The following PSTPIP2 variants were observed in gnomAD, a reference collection of about 807,000 sequenced individuals.
PSTPIP2 encodes the protein proline-serine-threonine phosphatase interacting protein 2, also known as proline-serine-threonine phosphatase-interacting protein 2.
Under a neutral mutation model 63.3 loss-of-function variants are expected in PSTPIP2, and 33 were observed. That is an observed-to-expected ratio of 0.52 (90% CI 0.40 to 0.70). PSTPIP2 has a LOEUF of 0.70. Among genes scored for constraint, PSTPIP2 ranks in the 30% least tolerant of loss-of-function variants. The probability of loss-of-function intolerance (pLI) is 0.00; values close to 1 mark genes in which losing one functional copy is unlikely to be tolerated. For synonymous variants in PSTPIP2, 125 were observed against 132.7 expected, an observed-to-expected ratio of 0.94 and a Z score of 0.40; for missense variants, 312 against 400.7, an observed-to-expected ratio of 0.78 and a Z score of 1.89.
At chr18:46,058,525 T>C (rs1170716888) in intron 1 of PSTPIP2, among the ~76,000 whole-genome samples, 6 of 151,962 alleles carry the variant, frequency 3.9e-5, no homozygotes, top group Admixed American at 3.9e-4. Context: ...CCCAGCTATT[T>C]ATTTTTTGTA....
chr18:45,992,760 C>T (rs1025727607), intron 10 of PSTPIP2, among the ~76,000 whole-genome samples: 4 of 140,328 alleles, frequency 2.9e-5, no homozygotes, highest in Non-Finnish European at 6.0e-5. Flanking sequence ...CTCTGTCACC[C>T]AGGCTGCAGT....
intron 1 of PSTPIP2, among the ~76,000 whole-genome samples, chr18:46,063,852 A>G (rs983857735): frequency 3.9e-5 from 6 of 152,220 alleles, no homozygotes; most frequent in Non-Finnish European, 7.3e-5. Context: ...GCTATGACTG[A>G]CAGAGTGAAA....
Position 46,069,157 on chromosome 18 carries a change from G to T in PSTPIP2, c.33+2999C>A, listed in dbSNP as rs1350510503. The stretch of plus-strand genomic sequence containing the variant: ...AGTGAGAAGCCTGGAAATCCCCAGG[G>T]GTGAGAGAACACTGCTTTCATCTAC... On this transcript the variant is annotated intron_variant, in intron 1 of 14. Coordinates refer to ENST00000409746, the MANE Select transcript of PSTPIP2 (RefSeq NM_024430.4). Among the ~76,000 whole-genome samples the T allele has an allele frequency of 4.6e-5, 7 of 152,088 alleles. No homozygotes were observed. In the East Asian group the frequency reaches 1.3e-3, roughly 29 times the overall value.
At chr18:46,067,316 C>T (rs1909227912) in intron 1 of PSTPIP2, among the ~76,000 whole-genome samples, 1 of 151,762 alleles carries the variant, frequency 6.6e-6, no homozygotes, top group Non-Finnish European at 1.5e-5. Context: ...TCCTGGCTAA[C>T]ACGGTGAAAC....
At chr18:46,014,307 C>T (rs563130906) in intron 4 of PSTPIP2, among the ~76,000 whole-genome samples, 7 of 200 alleles carry the variant, frequency 0.035, no homozygotes, top group African/African-American at 0.11. Context: ...CAGGTGTGAG[C>T]CACCGCACAG....
At chr18:46,032,599 C>CA (rs1907822921) in intron 2 of PSTPIP2, among the ~76,000 whole-genome samples, 1 of 151,546 alleles carries the variant, frequency 6.6e-6, no homozygotes, top group African/African-American at 2.4e-5. Context: ...ACTAAAAATA[C>CA]AAAAAATTAG....
intron 2 of PSTPIP2, among the ~76,000 whole-genome samples, chr18:46,031,457 C>G (rs1907784761): frequency 6.6e-6 from 1 of 152,136 alleles, no homozygotes; most frequent in Non-Finnish European, 1.5e-5. Flanking sequence ...GACTCTACTT[C>G]TAAAGATTTT....
chr18:46,019,569 G>A (rs985291272), intron 3 of PSTPIP2, among the ~76,000 whole-genome samples: 27 of 152,324 alleles, frequency 1.8e-4, no homozygotes, highest in African/African-American at 6.3e-4. Context: ...GCGAGGCCAA[G>A]GCGGGAGGAT....
rs961836578 is a variant in PSTPIP2 at position 45,985,116 on chromosome 18, A to G, written c.*343T>C. The G allele has an allele frequency of 1.2e-5, 4 of 321,490 alleles. No homozygotes were observed. The highest frequency in any genetic ancestry group is 2.2e-5 in the Non-Finnish European group (4 of 178,366). The allele number at this position is 321,490 out of a possible 1,614,324, so 19.9% of individuals were successfully genotyped here. Reference sequence around the variant, plus strand: ...GAGCCACTACTGCAGTTGGTGGCTCAGAATCCTCTGCTGCCACCTCTGCTC... The same window carrying G: ...GAGCCACTACTGCAGTTGGTGGCTCGGAATCCTCTGCTGCCACCTCTGCTC... On this transcript the variant is annotated 3_prime_UTR_variant, in exon 15 of 15. Transcript: ENST00000409746.
chr18:46,055,278 G>T (rs1908717959), intron 1 of PSTPIP2, among the ~76,000 whole-genome samples: 1 of 152,120 alleles, frequency 6.6e-6, no homozygotes, highest in South Asian at 2.1e-4. Context: ...TAATGTGGTA[G>T]GTAGATAGTG....
chr18:46,045,029 G>A (rs1377614089), intron 1 of PSTPIP2, among the ~76,000 whole-genome samples: 1 of 152,208 alleles, frequency 6.6e-6, no homozygotes, highest in East Asian at 1.9e-4. Context: ...GAGAGGATGT[G>A]GAGAAATAGG....
chr18:46,033,423 C>T (rs1452183469), intron 2 of PSTPIP2, among the ~76,000 whole-genome samples: 1 of 152,140 alleles, frequency 6.6e-6, no homozygotes, highest in Non-Finnish European at 1.5e-5. Flanking sequence ...GTGGGCTGGG[C>T]ATGGTAGCTC....
chr18:46,031,334 G>A (rs586113), intron 2 of PSTPIP2, among the ~76,000 whole-genome samples: 152,240 of 152,252 alleles, frequency 1, 76,114 homozygotes, highest in Non-Finnish European at 1. Context: ...AGCCCTATCT[G>A]CTTGCTCTGA....
Position 46,058,561 on chromosome 18 carries a change from G to A in PSTPIP2, c.33+13595C>T, listed in dbSNP as rs112470626. ...TTTGTAGTAGAGACGGGGTTTCACC[G>A]TGTTGGCCAGGCTGGTCTCAAACTC... On this transcript the variant is annotated intron_variant, in intron 1 of 14. Coordinates refer to ENST00000409746, the MANE Select transcript of PSTPIP2 (RefSeq NM_024430.4). Among the ~76,000 whole-genome samples the A allele has an allele frequency of 5.9e-3, 899 of 152,056 alleles. 17 individuals are homozygous for A. Among genetic ancestry groups the A allele is most frequent in the Admixed American group, 0.034 (520 of 15,256 alleles).
At chr18:46,063,614 TAC>T (rs34948592) in intron 1 of PSTPIP2, among the ~76,000 whole-genome samples, 87,934 of 148,292 alleles carry the variant, frequency 0.59, 25,838 homozygotes, top group Middle Eastern at 0.67. Flanking sequence ...ACATGTGAAT[TAC>T]ACACACACAC....
chr18:46,062,605 A>G (rs1288692023), intron 1 of PSTPIP2, among the ~76,000 whole-genome samples: 1 of 152,024 alleles, frequency 6.6e-6, no homozygotes, highest in African/African-American at 2.4e-5. Flanking sequence ...GCTCACTGCA[A>G]CCTCTGCCTC....
chr18:46,037,741 G>T (rs1908032269), intron 2 of PSTPIP2, among the ~76,000 whole-genome samples: 1 of 152,152 alleles, frequency 6.6e-6, no homozygotes, highest in South Asian at 2.1e-4. Context: ...CAGGCCACAC[G>T]CTCAGGGGCT....
At chr18:46,057,028 G>T (rs1048129592) in intron 1 of PSTPIP2, among the ~76,000 whole-genome samples, 3 of 151,592 alleles carry the variant, frequency 2.0e-5, no homozygotes, top group African/African-American at 7.3e-5. Context: ...TGCTTGAACC[G>T]GGGAGGCGGA....
chr18:45,990,756 C>T lies in PSTPIP2; in HGVS notation c.921G>A (p.Arg307=), dbSNP rs775882536. 3.7e-6 allele frequency: 6 copies of T among 1,601,188 alleles called. No individual in the cohort carries two copies. The highest frequency in any genetic ancestry group is 5.1e-6 in the Non-Finnish European group (6 of 1,171,046). The change falls in exon 13 of 15, where the codon AGG becomes AGA. Residue 307 remains arginine, a splice_region_variant and synonymous_variant. Transcript: ENST00000409746. ...TTTTAGGAATTGGGAGGGGTCCTCT[C>T]CTGTAAGAAATGAAAACCAAAGTAT... The part of the protein sequence containing the change: ...AGKATGPNLA[R]RGPLPIPKSS...
Sources: gnomAD v4.1 joint callset for allele counts (sites outside exome capture counted in the v4.1 genomes callset) on GRCh38, gnomAD v4.1.1 for gene constraint, MANE v1.5 for transcripts, NCBI Gene and HGNC (gene_info 2026-07-23, HGNC 2026-07-21) for gene names.